The following SCN1A variants were observed in gnomAD, a reference collection of about 807,000 sequenced individuals.
SCN1A encodes the protein sodium voltage-gated channel alpha subunit 1.
In SCN1A, 13 loss-of-function variants were observed where a neutral mutation model predicts 193.7. The ratio of observed to expected loss-of-function variants is 0.07; its 90% CI spans 0.04 to 0.11. The LOEUF is 0.11. Ranked by LOEUF, SCN1A falls within the 10% of genes least tolerant of loss-of-function variation. The pLI is 1.00. For missense variants in SCN1A, 1,432 were observed against 2,451.1 expected (o/e 0.58, Z 8.78); for synonymous variants, 781 against 843.6 (o/e 0.93, Z 1.29).
At chr2:166,041,160 C>T in intron 16 of SCN1A, 71 bp downstream of exon 16, 1 of 1,130,356 alleles carries the variant, frequency 8.8e-7, no homozygotes. Flanking sequence ...CTGCTATACA[C>T]AATTAAATGT....
intron 2 of SCN1A, among the ~76,000 whole-genome samples, chr2:166,093,442 C>A (rs150107211): frequency 0.015 from 2,219 of 152,072 alleles, 61 homozygotes; most frequent in African/African-American, 0.049. Context: ...AGGTTCACGC[C>A]ATTCTCCTGC....
chr2:166,144,161 A>G (rs1238898144), intron 1 of SCN1A, among the ~76,000 whole-genome samples: 1 of 152,216 alleles, frequency 6.6e-6, no homozygotes, highest in Admixed American at 6.5e-5. Context: ...ATGTTAGGTA[A>G]AGTCCAAAAT....
At chr2:166,020,864 G>A (rs1411117479) in intron 19 of SCN1A, among the ~76,000 whole-genome samples, 3 of 151,996 alleles carry the variant, frequency 2.0e-5, no homozygotes, top group Non-Finnish European at 2.9e-5. Context: ...TGAATTACAA[G>A]TGCAGCTCAT....
chr2:166,097,757 A>G (rs551046607), intron 2 of SCN1A, among the ~76,000 whole-genome samples: 3 of 152,194 alleles, frequency 2.0e-5, no homozygotes, highest in African/African-American at 7.2e-5. Flanking sequence ...TTTTAAAAAT[A>G]TTTTGTAGGG....
At chr2:166,143,271 A>G (rs1692171011) in intron 1 of SCN1A, among the ~76,000 whole-genome samples, 1 of 146,764 alleles carries the variant, frequency 6.8e-6, no homozygotes, top group Non-Finnish European at 1.5e-5. Context: ...GGTTCAAGCC[A>G]TTCTCCTGCC....
chr2:166,143,486 A>G (rs1399844111), intron 1 of SCN1A, among the ~76,000 whole-genome samples: 1 of 152,120 alleles, frequency 6.6e-6, no homozygotes, highest in African/African-American at 2.4e-5. Context: ...ATTTTTATCA[A>G]ACAAATTCCA....
At chr2:166,035,899 T>C in intron 19 of SCN1A, 149 bp downstream of exon 19, 3 of 769,732 alleles carry the variant, frequency 3.9e-6, no homozygotes, top group Non-Finnish European at 6.2e-6. Context: ...GCATGGTTTC[T>C]AGTGAATGGC....
At chr2:166,039,355 A>T in intron 17 of SCN1A, 68 bp downstream of exon 17, 1 of 1,509,916 alleles carries the variant, frequency 6.6e-7, no homozygotes, top group Non-Finnish European at 9.1e-7. Flanking sequence ...AAACTATGAC[A>T]TTGCTATGCA....
chr2:166,145,233 T>A (rs1692271744), intron 1 of SCN1A, among the ~76,000 whole-genome samples: 1 of 54,198 alleles, frequency 1.8e-5, no homozygotes, highest in Admixed American at 2.2e-4. Context: ...GATCTCAGGA[T>A]TTCACTGTGT....
At chr2:165,997,601 G>A (rs1026276541) in intron 26 of SCN1A, among the ~76,000 whole-genome samples, 4 of 151,288 alleles carry the variant, frequency 2.6e-5, no homozygotes, top group Admixed American at 6.6e-5. Flanking sequence ...AGAAAAAAGC[G>A]TAAAAATAAA....
At position 166,054,658 on chromosome 2, in the gene SCN1A, A is replaced by G; in HGVS notation, c.582T>C (p.Asp194=). ...TFLRDPWNWL[D]FTVITFAYVT... ...CTTACGCAAATGTAATGACAGTGAA[A>G]TCGAGCCAGTTCCATGGATCCCGAA... The change falls in exon 7 of 29, where the codon GAT becomes GAC. Residue 194 remains aspartate, a synonymous_variant. Transcript: ENST00000674923. 6.2e-7 allele frequency: 1 copy of G among 1,612,330 alleles called. No homozygotes were observed. Among genetic ancestry groups the G allele is most frequent in the Non-Finnish European group, 8.5e-7 (1 of 1,178,828 alleles).
rs1573954604 is a variant in SCN1A, at chr2:165,992,555, A to T, written c.4853-133T>A. The T allele has an allele frequency of 1.4e-5, 8 of 579,890 alleles. No individual in the cohort carries two copies. The highest frequency in any genetic ancestry group is 6.4e-5 in the Admixed American group (2 of 31,124). The allele number at this position is 579,890 out of a possible 1,614,324, so 35.9% of individuals were successfully genotyped here. On this transcript the variant is annotated intron_variant, in intron 28 of 28. Transcript: ENST00000674923. This position sits in a 1 kb window ranked among gnomAD's most constrained non-coding sequence, Gnocchi z 6.5. Reference sequence around the variant, plus strand: ...ATATTAAATATGACAACTATATATAATATATATATAATTGTACATAATATA... The same window carrying T: ...ATATTAAATATGACAACTATATATATTATATATATAATTGTACATAATATA...
At chr2:166,038,217 A>T (rs1461160544) in intron 17 of SCN1A, 85 bp from the exon 18 acceptor site, 1 of 1,075,448 alleles carries the variant, frequency 9.3e-7, no homozygotes, top group Non-Finnish European at 1.3e-6. Flanking sequence ...GGTCATTAGA[A>T]TTCAATATCT....
intron 9 of SCN1A, 121 bp downstream of exon 9, chr2:166,051,597 CT>C (rs1436554728): frequency 1.4e-6 from 1 of 716,796 alleles, no homozygotes; most frequent in African/African-American, 1.8e-5. Context: ...TGATACAGGC[CT>C]GCAATGTGTG....
Position 166,142,726 on chromosome 2 carries a change from G to A in SCN1A, c.-50+6321C>T, listed in dbSNP as rs150969853. ...CTGTTTCACTTGCTGATATGGTTTGGCCGTGTCCCCACCCAAATCTCACCT... is the reference window on the plus strand; with the variant it reads ...CTGTTTCACTTGCTGATATGGTTTGACCGTGTCCCCACCCAAATCTCACCT... On this transcript the variant is annotated intron_variant, in intron 1 of 26. Transcript: ENST00000635750. Among the ~76,000 whole-genome samples the A allele has an allele frequency of 9.9e-5, 15 of 152,240 alleles. No homozygotes were observed. In the East Asian group the frequency reaches 2.7e-3, roughly 27 times the overall value.
At chr2:166,056,298 G>A (rs1388267639) in intron 6 of SCN1A, 113 bp downstream of exon 6, 3 of 733,816 alleles carry the variant, frequency 4.1e-6, no homozygotes, top group Middle Eastern at 3.9e-4. Context: ...GCGTAATTTT[G>A]TCTAGGAATG....
intron 21 of SCN1A, 67 bp downstream of exon 21, chr2:166,013,673 GATTA>G: frequency 7.2e-7 from 1 of 1,381,016 alleles, no homozygotes; most frequent in Non-Finnish European, 1.0e-6. Flanking sequence ...TGAAACAAAG[GATTA>G]ATAAGTCATC....
intron 9 of SCN1A, among the ~76,000 whole-genome samples, 176 bp downstream of exon 9, chr2:166,051,543 G>C (rs1252960674): frequency 1.3e-5 from 2 of 151,580 alleles, no homozygotes; most frequent in Admixed American, 1.3e-4. Context: ...AATTTTTGTG[G>C]GTACATGGTA....
At chr2:166,012,983 G>T (rs1342891912) in intron 21 of SCN1A, among the ~76,000 whole-genome samples, 1 of 151,158 alleles carries the variant, frequency 6.6e-6, no homozygotes, top group African/African-American at 2.4e-5. Flanking sequence ...ATATGTCTGT[G>T]TTAGAATTAT....
Sources: gnomAD v4.1 joint callset for allele counts (sites outside exome capture counted in the v4.1 genomes callset) on GRCh38, gnomAD v4.1.1 for gene constraint, Gnocchi (gnomAD v3.1) non-coding constraint, MANE v1.5 for transcripts, NCBI Gene and HGNC (gene_info 2026-07-23, HGNC 2026-07-21) for gene names.